Variants in ANKRD6 observed in about 807,000 individuals in gnomAD.
The protein encoded by ANKRD6 is ankyrin repeat domain 6.
A neutral mutation model predicts 82.3 loss-of-function variants in ANKRD6; 56 were observed. The ratio of observed to expected loss-of-function variants is 0.68; its 90% CI spans 0.55 to 0.85. The LOEUF (loss-of-function observed/expected upper bound fraction) is 0.85, where lower values mean the gene tolerates loss of function less well. Among genes scored for constraint, ANKRD6 ranks in the 40% least tolerant of loss-of-function variants. The pLI, the probability that ANKRD6 is intolerant of heterozygous loss-of-function variation, is 0.00. For missense variants in ANKRD6, 852 were observed against 907.6 expected, an observed-to-expected ratio of 0.94 and a Z score of 0.79; for synonymous variants, 347 against 352.1, an observed-to-expected ratio of 0.99 and a Z score of 0.16.
chr6:89,541,582 C>T (rs1290331462), intron 1 of ANKRD6, among the ~76,000 whole-genome samples: 2 of 151,394 alleles, frequency 1.3e-5, no homozygotes, highest in Admixed American at 6.6e-5. Flanking sequence ...TTAGTAGAGA[C>T]GGGATTTCAC....
intron 2 of ANKRD6, among the ~76,000 whole-genome samples, chr6:89,569,459 T>C (rs551225552): frequency 6.6e-6 from 1 of 152,234 alleles, no homozygotes; most frequent in Non-Finnish European, 1.5e-5. Flanking sequence ...TAATAATCCA[T>C]TGTATACATA....
chr6:89,491,533 C>T (rs1013789869), intron 1 of ANKRD6, among the ~76,000 whole-genome samples: 1 of 150,610 alleles, frequency 6.6e-6, no homozygotes, highest in African/African-American at 2.4e-5. Context: ...CAAACTATTG[C>T]AAGAACAAAA....
At position 89,480,857 on chromosome 6, in the gene ANKRD6, A is replaced by C. The variant is rs546835499; in HGVS notation, c.-144+47482A>C. Among the ~76,000 whole-genome samples the C allele has an allele frequency of 1.6e-4, 23 of 145,740 alleles. No homozygotes were observed. The South Asian group carries it at 4.6e-3, about 29-fold the overall frequency. On this transcript the variant is annotated intron_variant, in intron 1 of 15. Coordinates refer to ENST00000339746, the MANE Select transcript of ANKRD6 (RefSeq NM_001242809.2). ...CTTGAGAGGCTGAGGTGGGACGATCACTTGAGCCCAGGAGGTTGAGGCTAC... is the reference window on the plus strand; with the variant it reads ...CTTGAGAGGCTGAGGTGGGACGATCCCTTGAGCCCAGGAGGTTGAGGCTAC...
intron 2 of ANKRD6, among the ~76,000 whole-genome samples, chr6:89,595,074 G>T (rs1795615071): frequency 1.3e-5 from 2 of 152,210 alleles, no homozygotes; most frequent in African/African-American, 4.8e-5. Flanking sequence ...TTAAAAAGAG[G>T]AAGAACCGGC....
At chr6:89,497,211 C>G (rs1379836205) in intron 1 of ANKRD6, among the ~76,000 whole-genome samples, 2 of 152,200 alleles carry the variant, frequency 1.3e-5, no homozygotes, top group Non-Finnish European at 2.9e-5. Flanking sequence ...TCATGGTTTT[C>G]TGAATCTACA....
At chr6:89,628,851 G>T in intron 14 of ANKRD6, 1 of 454,968 alleles carries the variant, frequency 2.2e-6, no homozygotes, top group African/African-American at 2.0e-5. Flanking sequence ...AGCCAGTCAT[G>T]AGGCATTCAC....
chr6:89,465,383 A>T (rs759987802), intron 1 of ANKRD6, among the ~76,000 whole-genome samples: 6 of 151,710 alleles, frequency 4.0e-5, no homozygotes, highest in Non-Finnish European at 7.4e-5. Flanking sequence ...AGCCTCCCAA[A>T]GTGCAGGGAT....
Position 89,633,057 on chromosome 6 carries a change from C to T in ANKRD6, c.*2053C>T, listed in dbSNP as rs1039797105. On this transcript the variant is annotated 3_prime_UTR_variant, in exon 16 of 16. Coordinates refer to ENST00000339746, the MANE Select transcript of ANKRD6 (RefSeq NM_001242809.2). ...GCTTTGGTGGGAGTATTTTGATTAC[C>T]TCCTACCCATCAGAAGCAGGCAGCT... 2 of 152,140 alleles carry T rather than the reference C, an allele frequency of 1.3e-5. No individual in the cohort carries two copies. Among genetic ancestry groups the T allele is most frequent in the Non-Finnish European group, 2.9e-5 (2 of 68,036 alleles). 9.4% of individuals were successfully genotyped at this position (152,140 alleles called of 1,614,324 possible). A position where few individuals can be genotyped will look rare whatever the true frequency, so the allele number is the denominator to read the frequency against.
intron 1 of ANKRD6, among the ~76,000 whole-genome samples, chr6:89,452,148 C>A (rs1582666501): frequency 6.6e-6 from 1 of 152,312 alleles, no homozygotes; most frequent in Non-Finnish European, 1.5e-5. Context: ...TCACTGCACT[C>A]CAACCTGGTC....
intron 1 of ANKRD6, among the ~76,000 whole-genome samples, chr6:89,527,601 C>CAAAAAAAAAAAAAAAAAA (rs35855223): frequency 2.2e-5 from 1 of 45,684 alleles, no homozygotes; most frequent in African/African-American, 8.7e-5. Context: ...GACTCCGTCT[C>CAAAAAAAAAAAAAAAAAA]AAAAAAAAAA....
chr6:89,447,685 G>C (rs7747687), intron 1 of ANKRD6, among the ~76,000 whole-genome samples: 74,602 of 151,806 alleles, frequency 0.49, 19,598 homozygotes, highest in African/African-American at 0.68. Flanking sequence ...TTAGGACTTT[G>C]TTTTTCTTTC....
chr6:89,593,748 A>G (rs1183709467), intron 2 of ANKRD6, among the ~76,000 whole-genome samples: 4 of 152,202 alleles, frequency 2.6e-5, no homozygotes, highest in African/African-American at 9.6e-5. Context: ...GCCATGGTTC[A>G]TTGATGTTTG....
At chr6:89,578,858 C>T (rs1376007547) in intron 2 of ANKRD6, among the ~76,000 whole-genome samples, 1 of 152,120 alleles carries the variant, frequency 6.6e-6, no homozygotes, top group African/African-American at 2.4e-5. Context: ...AGGTGCTAGC[C>T]CTGAGAAGGA....
In ANKRD6 at chr6:89,612,455, C is replaced by T. The variant is rs989874497; in HGVS notation, c.516+85C>T. Reference sequence around the variant, plus strand: ...CTTCATGAGCATACTTGAACCTTAACATCTAGAAATTAAAATGTAAAAAGT... The same window carrying T: ...CTTCATGAGCATACTTGAACCTTAATATCTAGAAATTAAAATGTAAAAAGT... On this transcript the variant is annotated intron_variant, in intron 6 of 15. Coordinates refer to ENST00000339746, the MANE Select transcript of ANKRD6 (RefSeq NM_001242809.2). 2.0e-5 allele frequency: 26 copies of T among 1,304,028 alleles called. No individual in the cohort carries two copies. The African/African-American group carries it at 3.9e-4, about 19-fold the overall frequency. 80.8% of individuals were successfully genotyped at this position (1,304,028 alleles called of 1,614,324 possible). A position where few individuals can be genotyped will look rare whatever the true frequency, so the allele number is the denominator to read the frequency against.
At chr6:89,449,108 G>A (rs1772494636) in intron 1 of ANKRD6, among the ~76,000 whole-genome samples, 1 of 151,910 alleles carries the variant, frequency 6.6e-6, no homozygotes, top group Non-Finnish European at 1.5e-5. Context: ...TGATGGATCT[G>A]GGCAAAGTAA....
At chr6:89,484,159 C>T (rs1777105924) in intron 1 of ANKRD6, among the ~76,000 whole-genome samples, 2 of 152,216 alleles carry the variant, frequency 1.3e-5, no homozygotes, top group Admixed American at 1.3e-4. Context: ...CCGCCTGCCT[C>T]AGCCTCCCAA....
chr6:89,493,418 T>C (rs747668005), intron 1 of ANKRD6, among the ~76,000 whole-genome samples: 1 of 152,170 alleles, frequency 6.6e-6, no homozygotes, highest in Admixed American at 6.5e-5. Context: ...TTTTAATTTT[T>C]TTATTCTTTG....
chr6:89,617,973 A>AGACT lies in ANKRD6; in HGVS notation c.736_739dup (p.Ala247AspfsTer7), dbSNP rs771902072. The AGACT allele has an allele frequency of 2.5e-6, 4 of 1,613,898 alleles. No homozygotes were observed. Among genetic ancestry groups the AGACT allele is most frequent in the Non-Finnish European group, 3.4e-6 (4 of 1,179,898 alleles). On this transcript the variant is annotated frameshift_variant, in exon 9 of 16. Transcript: ENST00000339746. LOFTEE classifies it high-confidence loss of function. ...CCTCAGGCAGGCCAGACTCCGCTGG[A>AGACT]GACTGCCCGCTACCACAATAACCCG...
chr6:89,610,611 C>T (rs889798860), intron 5 of ANKRD6, among the ~76,000 whole-genome samples: 2 of 152,094 alleles, frequency 1.3e-5, no homozygotes, highest in Admixed American at 1.3e-4. Context: ...TTTCATTTCA[C>T]TCATGTATTC....
Sources: allele counts gnomAD v4.1 joint callset (sites outside exome capture counted in the v4.1 genomes callset), GRCh38; gene constraint gnomAD v4.1.1; transcripts MANE v1.5; gene names NCBI Gene and HGNC (gene_info 2026-07-23, HGNC 2026-07-21).